MBD5: variants seen among roughly 807,000 people sequenced by gnomAD.
MBD5 encodes methyl-CpG binding domain protein 5.
MBD5 carries 13 observed loss-of-function variants against 117.3 expected under a neutral mutation model. The ratio of observed to expected loss-of-function variants is 0.11; its 90% CI spans 0.07 to 0.18. The LOEUF (loss-of-function observed/expected upper bound fraction) is 0.18, where lower values mean the gene tolerates loss of function less well. MBD5 is among the 10% of genes least tolerant of loss of function. The pLI, the probability that MBD5 is intolerant of heterozygous loss-of-function variation, is 1.00. For synonymous variants in MBD5, 727 were observed against 766.4 expected (o/e 0.95, Z 0.85); for missense variants, 1,879 against 2,093.8 (o/e 0.90, Z 2.00).
intron 3 of MBD5, among the ~76,000 whole-genome samples, chr2:148,265,371 T>C (rs1700831800): frequency 1.3e-5 from 2 of 152,198 alleles, no homozygotes; most frequent in Admixed American, 6.5e-5. Flanking sequence ...GTACATATTA[T>C]AGTAAGACCA....
chr2:148,283,620 A>G (rs779921336), intron 3 of MBD5, among the ~76,000 whole-genome samples: 5 of 152,112 alleles, frequency 3.3e-5, no homozygotes, highest in Non-Finnish European at 7.4e-5. Flanking sequence ...TAAACCATTT[A>G]TCCTTCACCG....
At chr2:148,466,854 A>G (rs1261972701) in intron 7 of MBD5, among the ~76,000 whole-genome samples, 2 of 152,184 alleles carry the variant, frequency 1.3e-5, no homozygotes, top group Non-Finnish European at 2.9e-5. Context: ...AATGTGCTCT[A>G]TGTAGATTTA....
At chr2:148,501,682 C>A (rs1199539007) in intron 11 of MBD5, among the ~76,000 whole-genome samples, 2 of 152,054 alleles carry the variant, frequency 1.3e-5, no homozygotes, top group Non-Finnish European at 2.9e-5. Context: ...ACACACATAT[C>A]CCCCCACCAC....
intron 3 of MBD5, among the ~76,000 whole-genome samples, chr2:148,289,836 G>T (rs1207152454): frequency 3.4e-5 from 5 of 147,782 alleles, no homozygotes; most frequent in Non-Finnish European, 1.5e-5. Context: ...AAAAAAGTCT[G>T]AGAAAGTTAT....
intron 4 of MBD5, among the ~76,000 whole-genome samples, chr2:148,417,385 A>G (rs1705456625): frequency 1.4e-5 from 2 of 140,146 alleles, no homozygotes; most frequent in Admixed American, 8.1e-5. Context: ...GTGATCTCCC[A>G]TCCTTGGCCT....
At position 148,342,304 on chromosome 2, in the gene MBD5, G is replaced by A. The variant is rs889513288; in HGVS notation, c.-589G>A. The stretch of plus-strand genomic sequence containing the variant: ...ATTACACTGCTGAGTCACACACAAC[G>A]CTTGTTATGTTTTCATCACTTCTCT... On this transcript the variant is annotated 5_prime_UTR_variant, in exon 4 of 14. Transcript: ENST00000642680. 6.6e-6 allele frequency: 1 copy of A among 151,954 alleles called. No individual in the cohort carries two copies. Among genetic ancestry groups the A allele is most frequent in the Non-Finnish European group, 1.5e-5 (1 of 67,962 alleles). The allele number at this position is 151,954 out of a possible 1,614,324, so 9.4% of individuals were successfully genotyped here.
intron 4 of MBD5, among the ~76,000 whole-genome samples, chr2:148,436,976 GT>G: frequency 6.6e-6 from 1 of 151,712 alleles, no homozygotes; most frequent in East Asian, 1.9e-4. Flanking sequence ...ATGAATATAT[GT>G]TTTTATTTAT....
intron 3 of MBD5, among the ~76,000 whole-genome samples, chr2:148,291,190 A>G (rs1392448452): frequency 1.3e-5 from 2 of 152,146 alleles, no homozygotes; most frequent in African/African-American, 4.8e-5. Context: ...TCTACGTTCT[A>G]TCAATTTCCA....
At chr2:148,280,617 G>A (rs1044983646) in intron 3 of MBD5, among the ~76,000 whole-genome samples, 1 of 152,090 alleles carries the variant, frequency 6.6e-6, no homozygotes, top group Non-Finnish European at 1.5e-5. Context: ...TTTTGGTAGA[G>A]AGGGGTTTTG....
intron 4 of MBD5, among the ~76,000 whole-genome samples, chr2:148,375,022 T>A (rs1186373826): frequency 1.3e-5 from 2 of 152,162 alleles, no homozygotes; most frequent in African/African-American, 2.4e-5. Flanking sequence ...GTATAAATAT[T>A]ATGCTAAATA....
chr2:148,065,470 T>A (rs1695162844), intron 1 of MBD5, among the ~76,000 whole-genome samples: 1 of 152,160 alleles, frequency 6.6e-6, no homozygotes, highest in South Asian at 2.1e-4. Flanking sequence ...TGCTCTGTTG[T>A]GTGGCGGAAA....
intron 1 of MBD5, among the ~76,000 whole-genome samples, chr2:148,139,268 G>A (rs1004208843): frequency 2.0e-5 from 3 of 151,954 alleles, no homozygotes; most frequent in South Asian, 2.1e-4. Flanking sequence ...GTGCAGTGAC[G>A]CAATCTCGGC....
intron 2 of MBD5, among the ~76,000 whole-genome samples, chr2:148,224,402 G>A (rs1411245748): frequency 2.6e-5 from 4 of 151,924 alleles, no homozygotes; most frequent in Non-Finnish European, 5.9e-5. Context: ...GAGTGCAGTG[G>A]CACCATCTCG....
intron 10 of MBD5, among the ~76,000 whole-genome samples, chr2:148,487,277 C>T (rs539560213): frequency 6.6e-6 from 1 of 152,134 alleles, no homozygotes; most frequent in Middle Eastern, 3.4e-3. Context: ...ATAAATAAGG[C>T]AGGATTCCTG....
chr2:148,153,036 G>T (rs964749716), intron 1 of MBD5, among the ~76,000 whole-genome samples: 2 of 151,856 alleles, frequency 1.3e-5, no homozygotes, highest in African/African-American at 2.4e-5. Flanking sequence ...TCCTAGTCTC[G>T]ATGGTCTTTA....
At chr2:148,381,859 A>G (rs1475456698) in intron 4 of MBD5, among the ~76,000 whole-genome samples, 1 of 152,156 alleles carries the variant, frequency 6.6e-6, no homozygotes, top group South Asian at 2.1e-4. Context: ...AGCCAAACTA[A>G]GCTTCATAAG....
chr2:148,347,311 G>A (rs1703146791), intron 4 of MBD5: 1 of 151,992 alleles, frequency 6.6e-6, no homozygotes, highest in Non-Finnish European at 1.5e-5. Context: ...GAGTTTTGAG[G>A]CTATAGTGAG....
At chr2:148,153,893 C>G (rs1454066142) in intron 1 of MBD5, among the ~76,000 whole-genome samples, 4 of 101,302 alleles carry the variant, frequency 3.9e-5, no homozygotes, top group African/African-American at 1.5e-4. Flanking sequence ...GAATGTCCTC[C>G]CGTAGCTCAG....
intron 1 of MBD5, among the ~76,000 whole-genome samples, chr2:148,174,741 G>C (rs748693906): frequency 4.0e-5 from 6 of 151,178 alleles, no homozygotes; most frequent in African/African-American, 1.5e-4. Context: ...AATTAAATCT[G>C]TAATGATATA....
Sources: allele counts gnomAD v4.1 joint callset (sites outside exome capture counted in the v4.1 genomes callset), GRCh38; gene constraint gnomAD v4.1.1; transcripts MANE v1.5; gene names NCBI Gene and HGNC (gene_info 2026-07-23, HGNC 2026-07-21).